The following CACNA1E variants were observed in gnomAD, a reference collection of about 807,000 sequenced individuals.
CACNA1E encodes voltage-dependent R-type calcium channel subunit alpha-1E.
In CACNA1E, 40 loss-of-function variants were observed where a neutral mutation model predicts 259.2. The observed-to-expected ratio is 0.15, with a 90% CI of 0.12 to 0.20. The LOEUF (loss-of-function observed/expected upper bound fraction) is 0.20, where lower values mean the gene tolerates loss of function less well. CACNA1E is among the 10% of genes least tolerant of loss of function. The pLI is 1.00. For synonymous variants in CACNA1E, 1,104 were observed against 1,138.5 expected (o/e 0.97, Z 0.61); for missense variants, 1,874 against 3,040.1 (o/e 0.62, Z 9.02).
intron 44 of CACNA1E, among the ~76,000 whole-genome samples, chr1:181,793,208 A>C (rs1329636817): frequency 2.0e-5 from 3 of 152,226 alleles, no homozygotes; most frequent in Middle Eastern, 3.2e-3. Flanking sequence ...ACGTGTCTTA[A>C]GGCTTGAGAA....
intron 1 of CACNA1E, among the ~76,000 whole-genome samples, chr1:181,331,138 G>T (rs1350685258): frequency 2.6e-5 from 4 of 152,132 alleles, no homozygotes; most frequent in East Asian, 1.9e-4. Flanking sequence ...GATTGCCTTG[G>T]ATCTCATATC....
At chr1:181,428,177 A>G (rs1379408547) in intron 2 of CACNA1E, among the ~76,000 whole-genome samples, 1 of 152,076 alleles carries the variant, frequency 6.6e-6, no homozygotes, top group Non-Finnish European at 1.5e-5. Flanking sequence ...CACTTCTCTC[A>G]ACACCCCTCC....
intron 3 of CACNA1E, among the ~76,000 whole-genome samples, chr1:181,573,106 T>C (rs554016142): frequency 2.0e-4 from 31 of 152,306 alleles, no homozygotes; most frequent in African/African-American, 5.8e-4. Flanking sequence ...TTATTAGCAA[T>C]TTAATTTTTT....
intron 25 of CACNA1E, among the ~76,000 whole-genome samples, chr1:181,748,564 G>A (rs1160977174): frequency 6.6e-6 from 1 of 152,078 alleles, no homozygotes; most frequent in Non-Finnish European, 1.5e-5. Flanking sequence ...CAGAAGCTTG[G>A]GGTGTGTGAT....
intron 2 of CACNA1E, among the ~76,000 whole-genome samples, chr1:181,453,027 G>C (rs368024826): frequency 1.2e-4 from 19 of 152,318 alleles, no homozygotes; most frequent in African/African-American, 4.3e-4. Context: ...AATCTTGATG[G>C]ACTTGTATTT....
chr1:181,393,465 CT>C (rs1217976176), intron 1 of CACNA1E, among the ~76,000 whole-genome samples: 1 of 151,870 alleles, frequency 6.6e-6, no homozygotes, highest in Non-Finnish European at 1.5e-5. Flanking sequence ...CTTTTCTTTT[CT>C]TTTTTTTCTG....
At chr1:181,341,219 G>C (rs978425187) in intron 1 of CACNA1E, among the ~76,000 whole-genome samples, 12 of 152,038 alleles carry the variant, frequency 7.9e-5, no homozygotes, top group Non-Finnish European at 1.8e-4. Context: ...TTGCTGCTCT[G>C]GGTCTGTGCA....
At position 181,551,366 on chromosome 1, in the gene CACNA1E, TG is replaced by T. The variant is rs551026805; in HGVS notation, c.513-26396del. ...TGCCATGGTGATGGTGGGTGGTTGGTGGGGTGGTGATGCAGCGTTTGGCCTG... is the reference window on the plus strand; with the variant it reads ...TGCCATGGTGATGGTGGGTGGTTGGTGGGTGGTGATGCAGCGTTTGGCCTG... On this transcript the variant is annotated intron_variant, in intron 3 of 47. Coordinates refer to ENST00000367573, the MANE Select transcript of CACNA1E (RefSeq NM_001205293.3). Among the ~76,000 whole-genome samples, 9 of 152,212 alleles carry T rather than the reference TG, an allele frequency of 5.9e-5. No homozygotes were observed. The East Asian group carries it at 1.5e-3, about 26-fold the overall frequency.
chr1:181,734,181 C>T (rs369415322), intron 21 of CACNA1E, among the ~76,000 whole-genome samples: 33 of 152,222 alleles, frequency 2.2e-4, no homozygotes, highest in Middle Eastern at 3.4e-3. Flanking sequence ...CTCTTGAGGC[C>T]TCAGTTTGTC....
At chr1:181,417,536 A>G (rs1302349345) in intron 2 of CACNA1E, among the ~76,000 whole-genome samples, 3 of 152,110 alleles carry the variant, frequency 2.0e-5, no homozygotes, top group Non-Finnish European at 4.4e-5. Flanking sequence ...TCATGTACAT[A>G]TGGGCAGGTG....
intron 6 of CACNA1E, among the ~76,000 whole-genome samples, chr1:181,646,386 T>C (rs1658267119): frequency 6.6e-6 from 1 of 152,194 alleles, no homozygotes; most frequent in African/African-American, 2.4e-5. Flanking sequence ...AGTGCTGCAG[T>C]GGAGGAAGCC....
At chr1:181,731,362 G>T in intron 19 of CACNA1E, 131 bp downstream of exon 19, 1 of 706,672 alleles carries the variant, frequency 1.4e-6, no homozygotes. Context: ...GTGTGTGTGT[G>T]TTCCGTTCAC....
intron 1 of CACNA1E, among the ~76,000 whole-genome samples, chr1:181,360,249 A>G (rs564933680): frequency 1.3e-5 from 2 of 152,334 alleles, no homozygotes; most frequent in South Asian, 2.1e-4. Flanking sequence ...ACTCCGAGGC[A>G]TATACCCCAA....
At chr1:181,698,007 A>G (rs571189821) in intron 7 of CACNA1E, among the ~76,000 whole-genome samples, 1 of 152,336 alleles carries the variant, frequency 6.6e-6, no homozygotes, top group South Asian at 2.1e-4. Flanking sequence ...GATGGCTCCA[A>G]ACTCTGGAGA....
Position 181,640,101 on chromosome 1 carries a change from G to A in CACNA1E, c.952-11237G>A, listed in dbSNP as rs192870966. 2.6e-5 allele frequency among the ~76,000 whole-genome samples: 4 copies of A among 152,236 alleles called. No homozygotes were observed. The East Asian group carries it at 5.8e-4, about 22-fold the overall frequency. ...ATAAATAACAATTATATGGCACTAC[G>A]GGAAGTGGATGAGGCTACTTACAAA... is the stretch of plus-strand genomic sequence containing the variant. On this transcript the variant is annotated intron_variant, in intron 6 of 47. Transcript: ENST00000367573.
At chr1:181,430,112 C>T (rs1398588257) in intron 2 of CACNA1E, among the ~76,000 whole-genome samples, 1 of 152,188 alleles carries the variant, frequency 6.6e-6, no homozygotes, top group African/African-American at 2.4e-5. Context: ...GCAACTGGAA[C>T]ATCTCTGAAA....
intron 7 of CACNA1E, among the ~76,000 whole-genome samples, chr1:181,679,720 G>T (rs778936114): frequency 1.3e-5 from 2 of 152,160 alleles, no homozygotes; most frequent in Non-Finnish European, 2.9e-5. Flanking sequence ...CTAACAGCAG[G>T]CCAGGCTGGA....
intron 1 of CACNA1E, among the ~76,000 whole-genome samples, chr1:181,331,983 G>T (rs1289027064): frequency 6.6e-6 from 1 of 152,114 alleles, no homozygotes; most frequent in African/African-American, 2.4e-5. Flanking sequence ...ATCAATTATA[G>T]ACTAGATAAA....
intron 3 of CACNA1E, among the ~76,000 whole-genome samples, chr1:181,548,268 G>T (rs1449409771): frequency 5.9e-5 from 9 of 151,904 alleles, no homozygotes; most frequent in Non-Finnish European, 1.5e-5. Context: ...GGGATTACAG[G>T]TGCGTGCCAC....
Sources: allele counts gnomAD v4.1 joint callset (sites outside exome capture counted in the v4.1 genomes callset), GRCh38; gene constraint gnomAD v4.1.1; transcripts MANE v1.5; gene names NCBI Gene and HGNC (gene_info 2026-07-23, HGNC 2026-07-21).